The following TPD52 variants were observed in gnomAD, a reference collection of about 807,000 sequenced individuals.
TPD52 encodes the protein tumor protein D52.
Under a neutral mutation model 31.3 loss-of-function variants are expected in TPD52, and 17 were observed. The ratio of observed to expected loss-of-function variants is 0.54; its 90% confidence interval spans 0.37 to 0.82. The LOEUF is 0.82. Among genes scored for constraint, TPD52 ranks in the 40% least tolerant of loss-of-function variants. TPD52 has a pLI of 0.00. For synonymous variants in TPD52, 83 were observed against 89.6 expected, an observed-to-expected ratio of 0.93 and a Z score of 0.42; for missense variants, 212 against 240.1, an observed-to-expected ratio of 0.88 and a Z score of 0.77.
At chr8:80,089,434 T>C (rs993034235) in intron 1 of TPD52, among the ~76,000 whole-genome samples, 5 of 152,188 alleles carry the variant, frequency 3.3e-5, no homozygotes, top group Non-Finnish European at 7.3e-5. Context: ...ATTTGGTTAA[T>C]AGAGCTCACA....
At chr8:80,134,075 C>T (rs10808841) in intron 1 of TPD52, among the ~76,000 whole-genome samples, 65,714 of 152,136 alleles carry the variant, frequency 0.43, 14,801 homozygotes, top group East Asian at 0.79. Flanking sequence ...TTCTAATCCA[C>T]GGCCACAGCT....
At chr8:80,091,048 T>C (rs1410599323) in intron 1 of TPD52, among the ~76,000 whole-genome samples, 1 of 152,246 alleles carries the variant, frequency 6.6e-6, no homozygotes, top group East Asian at 1.9e-4. Context: ...TAAGATGTCA[T>C]TCCCTCTCTC....
chr8:80,139,694 C>T (rs1223747261), intron 1 of TPD52, among the ~76,000 whole-genome samples: 1 of 152,054 alleles, frequency 6.6e-6, no homozygotes, highest in Non-Finnish European at 1.5e-5. Context: ...TGCACTTGAA[C>T]ACTATAGCTA....
At chr8:80,165,514 T>C (rs549094735) in intron 1 of TPD52, among the ~76,000 whole-genome samples, 6 of 152,268 alleles carry the variant, frequency 3.9e-5, no homozygotes, top group African/African-American at 1.4e-4. Context: ...AAACAGCAGG[T>C]GTTAAGAAGG....
At chr8:80,060,518 G>T (rs555064832) in intron 2 of TPD52, among the ~76,000 whole-genome samples, 1 of 152,178 alleles carries the variant, frequency 6.6e-6, no homozygotes, top group South Asian at 2.1e-4. Context: ...TAAGAAGCCA[G>T]CATTACCCTA....
At chr8:80,164,194 A>G (rs903412111) in intron 1 of TPD52, among the ~76,000 whole-genome samples, 2 of 151,962 alleles carry the variant, frequency 1.3e-5, no homozygotes, top group Admixed American at 1.3e-4. Context: ...ACCTAGAAAA[A>G]AACTGACAGA....
chr8:80,041,045 A>G (rs560878261), intron 7 of TPD52, among the ~76,000 whole-genome samples: 2 of 152,206 alleles, frequency 1.3e-5, no homozygotes, highest in Non-Finnish European at 2.9e-5. Flanking sequence ...CTGAAAAAAC[A>G]TTCATATGTC....
At chr8:80,163,252 G>T (rs984968340) in intron 1 of TPD52, among the ~76,000 whole-genome samples, 1 of 152,084 alleles carries the variant, frequency 6.6e-6, no homozygotes, top group Non-Finnish European at 1.5e-5. Context: ...AAATAATAAA[G>T]AAAATGTAGT....
intron 1 of TPD52, among the ~76,000 whole-genome samples, chr8:80,084,618 A>T (rs980246076): frequency 6.6e-6 from 1 of 152,138 alleles, no homozygotes; most frequent in Non-Finnish European, 1.5e-5. Flanking sequence ...AAACAAACAC[A>T]ATTTTGTTCT....
chr8:80,059,886 GC>G (rs1437989894), intron 2 of TPD52, among the ~76,000 whole-genome samples: 1 of 151,808 alleles, frequency 6.6e-6, no homozygotes, highest in Non-Finnish European at 1.5e-5. Flanking sequence ...TTCAAGACCA[GC>G]CTGGCCAACA....
Position 80,148,378 on chromosome 8 carries a change from G to C in TPD52, c.19+23047C>G, listed in dbSNP as rs570745161. ...GAATCTTCCTATGTGGCCCAGGCTG[G>C]TCTTAAACTCCTGGGATCAAGCAAT... On this transcript the variant is annotated intron_variant, in intron 1 of 7. Transcript: ENST00000518937. 4.1e-5 allele frequency among the ~76,000 whole-genome samples: 6 copies of C among 148,058 alleles called. No homozygotes were observed. The South Asian group carries it at 1.3e-3, about 31-fold the overall frequency.
chr8:80,134,105 A>G (rs1450269302), intron 1 of TPD52, among the ~76,000 whole-genome samples: 1 of 152,228 alleles, frequency 6.6e-6, no homozygotes. Context: ...TAGTTATTTC[A>G]TTTATCAATT....
chr8:80,130,969 T>G (rs149868969), intron 1 of TPD52, among the ~76,000 whole-genome samples: 2 of 152,342 alleles, frequency 1.3e-5, no homozygotes, highest in East Asian at 3.9e-4. Flanking sequence ...AGGAAGAAAG[T>G]AATTTACCCA....
Position 80,165,612 on chromosome 8 carries a change from A to G in TPD52, c.19+5813T>C, listed in dbSNP as rs142449065. Among the ~76,000 whole-genome samples the G allele has an allele frequency of 3.3e-3, 502 of 152,302 alleles. 2 individuals are homozygous for G. Among genetic ancestry groups the G allele is most frequent in the African/African-American group, 0.011 (451 of 41,568 alleles). On this transcript the variant is annotated intron_variant, in intron 1 of 7. Coordinates refer to ENST00000518937, the MANE Select transcript of TPD52 (RefSeq NM_001025253.3). ...CTCCCTCTACCAGGAAGAAAGAAAC[A>G]TTCTTATCACAGGAAGTCCAAGCCC...
At chr8:80,107,572 T>TTG (rs138254271) in intron 1 of TPD52, among the ~76,000 whole-genome samples, 7 of 152,048 alleles carry the variant, frequency 4.6e-5, no homozygotes, top group South Asian at 2.1e-4. Context: ...GTATGAATGT[T>TTG]TGTGTGTGTG....
At chr8:80,161,730 A>ATT (rs1352866479) in intron 1 of TPD52, among the ~76,000 whole-genome samples, 715 of 56,180 alleles carry the variant, frequency 0.013, 4 homozygotes, top group Middle Eastern at 0.024. Context: ...ATATATATAT[A>ATT]TATTTTTTTT....
At chr8:80,051,498 T>C in intron 4 of TPD52, 29 bp downstream of exon 4, 2 of 1,597,906 alleles carry the variant, frequency 1.3e-6, no homozygotes, top group Non-Finnish European at 1.7e-6. Flanking sequence ...CGTCAGCTAC[T>C]TAATGAGCAA....
intron 5 of TPD52, among the ~76,000 whole-genome samples, chr8:80,048,951 G>A (rs1009029700): frequency 4.6e-5 from 7 of 152,160 alleles, no homozygotes; most frequent in African/African-American, 1.7e-4. Context: ...GACTGTGAAA[G>A]GAGCTAGAAA....
At chr8:80,058,166 T>G (rs948321989) in intron 2 of TPD52, among the ~76,000 whole-genome samples, 1 of 152,196 alleles carries the variant, frequency 6.6e-6, no homozygotes, top group South Asian at 2.1e-4. Context: ...GTAAGAAATA[T>G]GCTGGATAGC....
Sources: gnomAD v4.1 joint callset for allele counts (sites outside exome capture counted in the v4.1 genomes callset) on GRCh38, gnomAD v4.1.1 for gene constraint, MANE v1.5 for transcripts, NCBI Gene and HGNC (gene_info 2026-07-23, HGNC 2026-07-21) for gene names.